PHLDB2: variants seen among roughly 807,000 people sequenced by gnomAD.
The protein encoded by PHLDB2 is pleckstrin homology-like domain family B member 2.
PHLDB2 carries 71 observed loss-of-function variants against 123.6 expected under a neutral mutation model. That is an observed-to-expected ratio of 0.57 (90% CI 0.47 to 0.70). PHLDB2 has a LOEUF of 0.70. PHLDB2 is among the 30% of genes least tolerant of loss of function. The pLI is 0.00. For missense variants in PHLDB2, 1,446 were observed against 1,519.5 expected (o/e 0.95, Z 0.80); for synonymous variants, 547 against 541.6 (o/e 1.01, Z -0.14).
chr3:111,733,619 G>C (rs1941579213), intron 1 of PHLDB2, among the ~76,000 whole-genome samples: 1 of 152,222 alleles, frequency 6.6e-6, no homozygotes, highest in African/African-American at 2.4e-5. Context: ...GGTCTATGGG[G>C]AAGAAGGAGA....
intron 1 of PHLDB2, among the ~76,000 whole-genome samples, chr3:111,872,333 A>G (rs1427172343): frequency 1.3e-5 from 2 of 152,216 alleles, no homozygotes; most frequent in Admixed American, 1.3e-4. Flanking sequence ...ACACATCAGC[A>G]TAGATCAAGA....
chr3:111,972,575 A>ATGTTTTC (rs67759225), intron 16 of PHLDB2, among the ~76,000 whole-genome samples: 1 of 147,812 alleles, frequency 6.8e-6, no homozygotes, highest in South Asian at 2.2e-4. Flanking sequence ...ATTCACTTCT[A>ATGTTTTC]TATATGTTTC....
intron 1 of PHLDB2, among the ~76,000 whole-genome samples, chr3:111,827,282 G>A (rs745634728): frequency 5.4e-4 from 82 of 152,152 alleles, no homozygotes; most frequent in Non-Finnish European, 5.0e-4. Context: ...TGGCTTTTAA[G>A]GAGAGCCTTT....
At chr3:111,943,970 C>G (rs72940236) in intron 8 of PHLDB2, among the ~76,000 whole-genome samples, 3,046 of 152,118 alleles carry the variant, frequency 0.02, 100 homozygotes, top group African/African-American at 0.068. Flanking sequence ...CAAAACAAAA[C>G]TAGAAAACCT....
At chr3:111,789,017 A>G (rs1339259741) in intron 1 of PHLDB2, among the ~76,000 whole-genome samples, 1 of 152,196 alleles carries the variant, frequency 6.6e-6, no homozygotes, top group African/African-American at 2.4e-5. Flanking sequence ...GCGCTATATT[A>G]TGTTCTTCTC....
chr3:111,932,190 T>A, intron 5 of PHLDB2, 79 bp from the exon 6 acceptor site: 1 of 1,436,840 alleles, frequency 7.0e-7, no homozygotes, highest in South Asian at 1.3e-5. Context: ...GTTTATGTTA[T>A]CCTTGAGAAA....
At chr3:111,838,119 C>G (rs2063501415) in intron 1 of PHLDB2, among the ~76,000 whole-genome samples, 1 of 152,140 alleles carries the variant, frequency 6.6e-6, no homozygotes, top group South Asian at 2.1e-4. Context: ...TTCAGAAAGT[C>G]TAGAGTGCGG....
intron 2 of PHLDB2, among the ~76,000 whole-genome samples, chr3:111,888,377 A>G (rs1426109595): frequency 6.6e-6 from 1 of 151,856 alleles, no homozygotes; most frequent in Non-Finnish European, 1.5e-5. Context: ...TTTTTTCTGT[A>G]TTTAGGGTCT....
chr3:111,914,466 C>T (rs991354297), intron 3 of PHLDB2: 1 of 152,286 alleles, frequency 6.6e-6, no homozygotes, highest in African/African-American at 2.4e-5. Flanking sequence ...GTTCTCCATA[C>T]ACTTGCCAAG....
intron 1 of PHLDB2, among the ~76,000 whole-genome samples, chr3:111,759,300 G>T (rs2059954551): frequency 2.0e-5 from 3 of 152,154 alleles, no homozygotes; most frequent in Admixed American, 2.0e-4. Context: ...TTCGTAGATG[G>T]TGCCTTCTCA....
chr3:111,829,068 T>C (rs1174823288), intron 1 of PHLDB2, among the ~76,000 whole-genome samples: 1 of 152,170 alleles, frequency 6.6e-6, no homozygotes, highest in Non-Finnish European at 1.5e-5. Context: ...TTTTTCTGAG[T>C]AGCTAAGTGA....
At chr3:111,808,245 G>A (rs2061681244) in intron 1 of PHLDB2, among the ~76,000 whole-genome samples, 1 of 152,082 alleles carries the variant, frequency 6.6e-6, no homozygotes, top group East Asian at 1.9e-4. Flanking sequence ...ATGCCACTCT[G>A]ACATCTTAGA....
intron 1 of PHLDB2, among the ~76,000 whole-genome samples, chr3:111,775,797 G>A (rs1033812693): frequency 5.9e-5 from 9 of 152,054 alleles, no homozygotes; most frequent in African/African-American, 2.2e-4. Context: ...TTCTACAATT[G>A]AACACCTGGG....
chr3:111,913,711 G>A lies in PHLDB2; in HGVS notation c.1719+9G>A. 1 of 1,604,112 alleles carries A rather than the reference G, an allele frequency of 6.2e-7. No individual in the cohort carries two copies. Among genetic ancestry groups the A allele is most frequent in the Non-Finnish European group, 8.5e-7 (1 of 1,172,952 alleles). On this transcript the variant is annotated intron_variant, in intron 3 of 17. Coordinates refer to ENST00000431670, the MANE Select transcript of PHLDB2 (RefSeq NM_001134438.2). The stretch of plus-strand genomic sequence containing the variant: ...TAAGTATCCTACCAAAGGTAATGTT[G>A]GCCCAGCAAAGATACTAGGATTTAA...
At chr3:111,886,306 G>T (rs2066159102) in intron 2 of PHLDB2, among the ~76,000 whole-genome samples, 1 of 152,182 alleles carries the variant, frequency 6.6e-6, no homozygotes, top group South Asian at 2.1e-4. Flanking sequence ...TCACAAAACT[G>T]GTTGATACCC....
chr3:111,823,317 T>G (rs2062495291), intron 1 of PHLDB2, among the ~76,000 whole-genome samples: 1 of 152,238 alleles, frequency 6.6e-6, no homozygotes, highest in African/African-American at 2.4e-5. Flanking sequence ...GAGAAAATAC[T>G]TATTCTGTTA....
chr3:111,866,144 G>C (rs182765130), intron 1 of PHLDB2, among the ~76,000 whole-genome samples: 1 of 148,502 alleles, frequency 6.7e-6, no homozygotes, highest in Non-Finnish European at 1.5e-5. Flanking sequence ...TCAGCCTCCC[G>C]AGTAGCTGGG....
At chr3:111,816,045 G>A (rs550018218) in intron 1 of PHLDB2, among the ~76,000 whole-genome samples, 5 of 152,160 alleles carry the variant, frequency 3.3e-5, no homozygotes, top group East Asian at 1.9e-4. Context: ...TTGAGCCTGC[G>A]AGTGAACAGA....
chr3:111,780,271 A>AGAAGAAAGAAG (rs34178824), intron 1 of PHLDB2, among the ~76,000 whole-genome samples: 6 of 7,784 alleles, frequency 7.7e-4, no homozygotes, highest in South Asian at 0.011. Context: ...AAGAAGAAGA[A>AGAAGAAAGAAG]AAGAAGAAGA....
Sources: allele counts gnomAD v4.1 joint callset (sites outside exome capture counted in the v4.1 genomes callset), GRCh38; gene constraint gnomAD v4.1.1; transcripts MANE v1.5; gene names NCBI Gene and HGNC (gene_info 2026-07-23, HGNC 2026-07-21).